The following BBS9 variants were observed in gnomAD, a reference collection of about 807,000 sequenced individuals.
The protein encoded by BBS9 is protein PTHB1.
A neutral mutation model predicts 117.7 loss-of-function variants in BBS9; 89 were observed. That is an observed-to-expected ratio of 0.76 (90% CI 0.64 to 0.90). The LOEUF is 0.90. BBS9 is among the 40% of genes least tolerant of loss of function. BBS9 has a pLI of 0.00. For missense variants in BBS9, 982 were observed against 1,042.2 expected, an observed-to-expected ratio of 0.94 and a Z score of 0.80; for synonymous variants, 379 against 370.9, an observed-to-expected ratio of 1.02 and a Z score of -0.25.
intron 20 of BBS9, among the ~76,000 whole-genome samples, chr7:33,526,224 G>A (rs1391841459): frequency 1.1e-4 from 17 of 152,006 alleles, no homozygotes; most frequent in Admixed American, 1.1e-3. Context: ...ACAATTATGT[G>A]TCTTGGAGTT....
chr7:33,348,593 A>G (rs75272870), intron 12 of BBS9, among the ~76,000 whole-genome samples: 7,288 of 152,206 alleles, frequency 0.048, 221 homozygotes, highest in East Asian at 0.14. Context: ...TAGAATTGTG[A>G]AGTTATATGT....
At chr7:33,553,272 G>A (rs1342492278) in intron 21 of BBS9, among the ~76,000 whole-genome samples, 2 of 152,148 alleles carry the variant, frequency 1.3e-5, no homozygotes, top group Non-Finnish European at 2.9e-5. Context: ...TTTCCCCACT[G>A]TATTCTAAGT....
chr7:33,505,276 C>CG (rs1172120200), intron 19 of BBS9, among the ~76,000 whole-genome samples, 187 bp from the exon 20 acceptor site: 3 of 54,358 alleles, frequency 5.5e-5, no homozygotes, highest in African/African-American at 1.4e-4. Flanking sequence ...TTACTGTGGG[C>CG]ATTTTTTTTT....
At chr7:33,322,966 A>G (rs1812049363) in intron 9 of BBS9, among the ~76,000 whole-genome samples, 1 of 152,118 alleles carries the variant, frequency 6.6e-6, no homozygotes, top group Non-Finnish European at 1.5e-5. Context: ...AAAATTTTCA[A>G]TTTCCTTTTA....
intron 1 of BBS9, among the ~76,000 whole-genome samples, chr7:33,134,547 C>T (rs1302090556): frequency 6.6e-6 from 1 of 151,980 alleles, no homozygotes; most frequent in Non-Finnish European, 1.5e-5. Context: ...TTGATGGTGA[C>T]CTTTGAAACC....
At position 33,152,819 on chromosome 7, in the gene BBS9, A is replaced by G. The variant is rs763936170; in HGVS notation, c.231A>G (p.Pro77=). 3.7e-6 allele frequency: 6 copies of G among 1,614,028 alleles called. No individual in the cohort carries two copies. Among genetic ancestry groups the G allele is most frequent in the Admixed American group, 1.7e-5 (1 of 60,016 alleles). Residue 77 remains proline, a synonymous_variant, in exon 3 of 23, where the codon CCA becomes CCG. Transcript: ENST00000242067. ...DLLLEVDLRD[P]VLQVEVGKFV... ...TTCTAGAAGTGGATCTACGAGATCCAGTACTTCAAGTGGAAGTAGGAAAGT... is the reference window on the plus strand; with the variant it reads ...TTCTAGAAGTGGATCTACGAGATCCGGTACTTCAAGTGGAAGTAGGAAAGT...
intron 20 of BBS9, among the ~76,000 whole-genome samples, chr7:33,517,936 C>G (rs1364047193): frequency 1.3e-5 from 2 of 152,164 alleles, no homozygotes; most frequent in Non-Finnish European, 2.9e-5. Context: ...TGTGCATGTG[C>G]TTAAGCGTAT....
chr7:33,588,563 A>T (rs1479090884), intron 21 of BBS9, among the ~76,000 whole-genome samples: 3 of 152,164 alleles, frequency 2.0e-5, no homozygotes, highest in African/African-American at 7.2e-5. Flanking sequence ...TCTTATTCTC[A>T]CAAGTGAAGA....
chr7:33,296,276 A>G (rs1051322594), intron 9 of BBS9, among the ~76,000 whole-genome samples: 2 of 152,148 alleles, frequency 1.3e-5, no homozygotes, highest in Non-Finnish European at 2.9e-5. Flanking sequence ...AGTACTTTTA[A>G]GTTATAAATC....
chr7:33,480,454 G>T (rs549837557), intron 19 of BBS9, among the ~76,000 whole-genome samples: 1 of 152,122 alleles, frequency 6.6e-6, no homozygotes, highest in African/African-American at 2.4e-5. Flanking sequence ...AATGAATAGC[G>T]TAGGTAATAA....
rs34249217 is a variant in BBS9 at position 33,152,988 on chromosome 7, C to T, written c.263+137C>T. ...GATATTGTCACCTAGGGGTTTCTCA[C>T]GTATGGAATGCTTTTTATGTGGAAA... is the stretch of plus-strand genomic sequence containing the variant. On this transcript the variant is annotated intron_variant, in intron 3 of 22. Coordinates refer to ENST00000242067, the MANE Select transcript of BBS9 (RefSeq NM_198428.3). 55,180 of 922,700 alleles carry T rather than the reference C, an allele frequency of 0.06. 1,870 individuals are homozygous for T. The highest frequency in any genetic ancestry group is 0.073 in the African/African-American group (4,407 of 60,314). The allele number at this position is 922,700 out of a possible 1,614,324, so 57.2% of individuals were successfully genotyped here.
chr7:33,277,597 T>C (rs1388431121), intron 9 of BBS9, among the ~76,000 whole-genome samples: 2 of 152,142 alleles, frequency 1.3e-5, no homozygotes, highest in Admixed American at 6.5e-5. Flanking sequence ...ATCAATCTCA[T>C]TGAAGGCTCA....
intron 21 of BBS9, among the ~76,000 whole-genome samples, chr7:33,550,506 C>G (rs988921763): frequency 7.9e-5 from 12 of 152,118 alleles, no homozygotes; most frequent in Admixed American, 2.0e-4. Flanking sequence ...CCTTTTAATT[C>G]TGGCCAATAT....
intron 21 of BBS9, among the ~76,000 whole-genome samples, chr7:33,546,224 C>T (rs1342988416): frequency 2.0e-5 from 3 of 152,066 alleles, no homozygotes; most frequent in Non-Finnish European, 4.4e-5. Flanking sequence ...TGAGCCACTG[C>T]GCCCGGCCTA....
chr7:33,534,377 G>A (rs902690737), intron 21 of BBS9: 1 of 628,312 alleles, frequency 1.6e-6, no homozygotes, highest in Admixed American at 2.5e-5. Context: ...GACATTTCCA[G>A]AATGGTATGT....
At chr7:33,236,325 C>CA (rs11382813) in intron 5 of BBS9, among the ~76,000 whole-genome samples, 101,483 of 123,408 alleles carry the variant, frequency 0.82, 42,007 homozygotes, top group African/African-American at 0.93. Flanking sequence ...TACTCCATCT[C>CA]AAAAAAAAAA....
chr7:33,585,018 G>C (rs1210254274), intron 21 of BBS9, among the ~76,000 whole-genome samples: 1 of 151,920 alleles, frequency 6.6e-6, no homozygotes, highest in Non-Finnish European at 1.5e-5. Context: ...CAACAGAATT[G>C]GTAAAGGCTT....
intron 20 of BBS9, among the ~76,000 whole-genome samples, chr7:33,521,902 C>T (rs1283544572): frequency 3.4e-5 from 4 of 117,318 alleles, no homozygotes; most frequent in Admixed American, 9.7e-5. Context: ...CCCCCTCCCC[C>T]CACCCCACCA....
At chr7:33,260,576 A>G (rs1011827231) in intron 6 of BBS9, among the ~76,000 whole-genome samples, 7 of 152,236 alleles carry the variant, frequency 4.6e-5, no homozygotes, top group African/African-American at 1.4e-4. Context: ...TGAATAATTC[A>G]GTTTGTTTAT....
Sources: allele counts gnomAD v4.1 joint callset (sites outside exome capture counted in the v4.1 genomes callset), GRCh38; gene constraint gnomAD v4.1.1; transcripts MANE v1.5; gene names NCBI Gene and HGNC (gene_info 2026-07-23, HGNC 2026-07-21).